The following ZNF143 variants were observed in gnomAD, a reference collection of about 807,000 sequenced individuals.
ZNF143 encodes zinc finger protein 143.
Under a neutral mutation model 74.1 loss-of-function variants are expected in ZNF143, and 49 were observed. The observed-to-expected ratio is 0.66, with a 90% CI of 0.53 to 0.84. The LOEUF (loss-of-function observed/expected upper bound fraction) is 0.84. Ranked by LOEUF, ZNF143 falls within the 40% of genes least tolerant of loss-of-function variation. The probability of loss-of-function intolerance (pLI) is 0.00; values close to 1 mark genes in which losing one functional copy is unlikely to be tolerated. For missense variants in ZNF143, 637 were observed against 793.4 expected (o/e 0.80, Z 2.37); for synonymous variants, 304 against 282.8 (o/e 1.07, Z -0.75).
In ZNF143 at chr11:9,501,107, G is replaced by A; in HGVS notation, c.984G>A (p.Lys328=). The part of the protein sequence containing the change: ...IRTHTGERPF[K]CPFEGCGRSF... The stretch of plus-strand genomic sequence containing the variant: ...TATTTGCAGGAGAAAGGCCCTTTAA[G>A]TGTCCCTTCGAAGGCTGCGGTCGGT... The change falls in exon 11 of 16, where the codon AAG becomes AAA. Residue 328 remains lysine, a synonymous_variant. Transcript: ENST00000396602. 1.2e-6 allele frequency: 2 copies of A among 1,614,156 alleles called. No individual in the cohort carries two copies. The highest frequency in any genetic ancestry group is 1.7e-6 in the Non-Finnish European group (2 of 1,180,020).
At chr11:9,466,994 C>T (rs1457168202) in intron 1 of ZNF143, among the ~76,000 whole-genome samples, 1 of 149,758 alleles carries the variant, frequency 6.7e-6, no homozygotes, top group Non-Finnish European at 1.5e-5. Flanking sequence ...CCCGGGTTCA[C>T]GCCATTCTCC....
At chr11:9,475,910 A>ATATATGTG (rs370474107) in intron 5 of ZNF143, among the ~76,000 whole-genome samples, 276 of 137,362 alleles carry the variant, frequency 2.0e-3, no homozygotes, top group African/African-American at 6.9e-3. Flanking sequence ...AAAAATATAT[A>ATATATGTG]TGTGTGTGTG....
At chr11:9,508,127 G>C (rs1848425583) in intron 11 of ZNF143, among the ~76,000 whole-genome samples, 1 of 152,148 alleles carries the variant, frequency 6.6e-6, no homozygotes, top group East Asian at 1.9e-4. Flanking sequence ...TAAGAAGTCA[G>C]GTTAAGTTAA....
chr11:9,461,318 C>T (rs1855817718), intron 1 of ZNF143, among the ~76,000 whole-genome samples: 2 of 152,126 alleles, frequency 1.3e-5, no homozygotes, highest in African/African-American at 2.4e-5. Context: ...GACTCAACTC[C>T]CCCCAGCTTG....
intron 14 of ZNF143, among the ~76,000 whole-genome samples, chr11:9,517,519 G>C (rs142161771): frequency 1.3e-5 from 2 of 152,166 alleles, no homozygotes; most frequent in Admixed American, 6.6e-5. Context: ...TTCTAGGGTT[G>C]TGCCAGTCTC....
intron 13 of ZNF143, among the ~76,000 whole-genome samples, chr11:9,514,848 G>C (rs72854119): frequency 1.3e-5 from 2 of 152,330 alleles, no homozygotes; most frequent in Middle Eastern, 3.4e-3. Flanking sequence ...AGAAGTCTGG[G>C]CTGGGCACAG....
intron 5 of ZNF143, among the ~76,000 whole-genome samples, chr11:9,477,815 T>C (rs958741373): frequency 2.0e-5 from 3 of 152,120 alleles, no homozygotes; most frequent in Non-Finnish European, 4.4e-5. Flanking sequence ...GTTTTTTCTT[T>C]GTTTGTTTTT....
intron 2 of ZNF143, 112 bp from the exon 3 acceptor site, chr11:9,472,565 T>TTGAGTC: frequency 1.1e-6 from 1 of 948,102 alleles, no homozygotes; most frequent in Non-Finnish European, 1.6e-6. Context: ...AAATCTCATT[T>TTGAGTC]TGAGTCTGAG....
intron 14 of ZNF143, among the ~76,000 whole-genome samples, chr11:9,518,576 C>T (rs1159861182): frequency 1.3e-5 from 2 of 152,020 alleles, no homozygotes; most frequent in Non-Finnish European, 2.9e-5. Context: ...ATTAGCCAGG[C>T]GTGGTGGCAG....
intron 2 of ZNF143, among the ~76,000 whole-genome samples, chr11:9,471,718 A>G (rs544931077): frequency 2.0e-5 from 3 of 151,524 alleles, no homozygotes; most frequent in East Asian, 2.0e-4. Context: ...ACGTCCGGCT[A>G]ATTTTGTATT....
chr11:9,514,916 G>T (rs1346840320), intron 13 of ZNF143, among the ~76,000 whole-genome samples: 1 of 152,116 alleles, frequency 6.6e-6, no homozygotes, highest in African/African-American at 2.4e-5. Context: ...ATCACCTGAG[G>T]TCAGGAGTTT....
At chr11:9,519,722 G>A (rs566879868) in intron 14 of ZNF143, among the ~76,000 whole-genome samples, 125 of 152,218 alleles carry the variant, frequency 8.2e-4, no homozygotes, top group African/African-American at 2.9e-3. Context: ...ACTCTCATTT[G>A]TCTTGGATAA....
intron 7 of ZNF143, among the ~76,000 whole-genome samples, chr11:9,489,913 G>A (rs2134011333): frequency 6.6e-6 from 1 of 152,276 alleles, no homozygotes; most frequent in East Asian, 1.9e-4. Context: ...GGGCATGGTG[G>A]CTCACACCTG....
At chr11:9,501,587 G>T (rs1276985964) in intron 11 of ZNF143, among the ~76,000 whole-genome samples, 2 of 152,218 alleles carry the variant, frequency 1.3e-5, no homozygotes, top group Non-Finnish European at 2.9e-5. Context: ...TGTGGGAGCA[G>T]AGAGGGGAGC....
At chr11:9,475,910 ATGTG>A (rs61636956) in intron 5 of ZNF143, among the ~76,000 whole-genome samples, 1,602 of 137,328 alleles carry the variant, frequency 0.012, 10 homozygotes, top group South Asian at 0.021. Flanking sequence ...AAAAATATAT[ATGTG>A]TGTGTGTGTG....
rs369283875 is a variant in ZNF143, at chr11:9,498,057, T to C, written c.967+257T>C. Among the ~76,000 whole-genome samples, 25 of 152,122 alleles carry C rather than the reference T, an allele frequency of 1.6e-4. No individual in the cohort carries two copies. In the East Asian group the frequency reaches 4.3e-3, roughly 26 times the overall value. On this transcript the variant is annotated intron_variant, in intron 10 of 15. Coordinates refer to ENST00000396602, the MANE Select transcript of ZNF143 (RefSeq NM_003442.6). Reference sequence around the variant, plus strand: ...GTGTTAGCCAGGATGGTCTCAATCTTCTGACCTCGTGATCCGCCCGCCTCT... The same window carrying C: ...GTGTTAGCCAGGATGGTCTCAATCTCCTGACCTCGTGATCCGCCCGCCTCT...
intron 9 of ZNF143, 59 bp from the exon 10 acceptor site, chr11:9,497,616 C>T (rs1848007768): frequency 3.0e-6 from 4 of 1,318,366 alleles, no homozygotes; most frequent in Non-Finnish European, 4.2e-6. Context: ...AGCTTATTCT[C>T]AGTGTGCATG....
intron 13 of ZNF143, among the ~76,000 whole-genome samples, chr11:9,514,074 T>A (rs1181891525): frequency 1.3e-5 from 2 of 152,102 alleles, no homozygotes; most frequent in African/African-American, 2.4e-5. Context: ...AAAAACATGT[T>A]TTTTTCAGAG....
chr11:9,523,049 G>A (rs989827141), intron 14 of ZNF143, among the ~76,000 whole-genome samples: 5 of 152,124 alleles, frequency 3.3e-5, no homozygotes, highest in African/African-American at 7.2e-5. Context: ...GATTACAAGC[G>A]TGAGCCATCA....
Sources: gnomAD v4.1 joint callset for allele counts (sites outside exome capture counted in the v4.1 genomes callset) on GRCh38, gnomAD v4.1.1 for gene constraint, MANE v1.5 for transcripts, NCBI Gene and HGNC (gene_info 2026-07-23, HGNC 2026-07-21) for gene names.